The following WDR4 variants were observed in gnomAD, a reference collection of about 807,000 sequenced individuals.
WDR4 encodes WDR4 tRNA N7-guanosine methyltransferase non-catalytic subunit.
In WDR4, 47 loss-of-function variants were observed where a neutral mutation model predicts 48.6. That is an observed-to-expected ratio of 0.97 (90% CI 0.77 to 1.23). WDR4 has a LOEUF of 1.23. Ranked by LOEUF, WDR4 falls within the 50% of genes most tolerant of loss-of-function variation. WDR4 has a pLI of 0.00. For synonymous variants in WDR4, 268 were observed against 230.0 expected, an observed-to-expected ratio of 1.17 and a Z score of -1.49; for missense variants, 606 against 551.6, an observed-to-expected ratio of 1.10 and a Z score of -0.99.
chr21:42,887,675 G>A, the WDR4 span, among the ~76,000 whole-genome samples: 9 of 152,200 alleles, frequency 5.9e-5, no homozygotes, highest in Non-Finnish European at 1.2e-4. Flanking sequence ...TGTGAATGCT[G>A]CCATGTGTGG....
At chr21:42,892,484 A>C in the WDR4 span, among the ~76,000 whole-genome samples, 2 of 85,586 alleles carry the variant, frequency 2.3e-5, no homozygotes, top group African/African-American at 1.8e-4. Flanking sequence ...ACCTCAATGA[A>C]TCGCTAGCTG....
intron 6 of WDR4, 116 bp downstream of exon 6, chr21:42,859,546 A>T: frequency 3.2e-6 from 2 of 632,402 alleles, no homozygotes; most frequent in Non-Finnish European, 5.0e-6. Flanking sequence ...TCTAGTGGAC[A>T]GCCACAGCCA....
In WDR4 at chr21:42,873,536, G is replaced by C; in HGVS notation, c.296+15C>G. On this transcript the variant is annotated intron_variant, in intron 3 of 10. Transcript: ENST00000398208. ...GCATTCGACATCTTAAGAATCCAGC[G>C]TTAGCATCTCATACCTGACACTCAG... The C allele has an allele frequency of 6.2e-7, 1 of 1,613,654 alleles. No individual in the cohort carries two copies. The highest frequency in any genetic ancestry group is 8.5e-7 in the Non-Finnish European group (1 of 1,179,702).
chr21:42,844,261 A>G (rs2057691522), downstream of WDR4, among the ~76,000 whole-genome samples: 1 of 152,192 alleles, frequency 6.6e-6, no homozygotes. Context: ...AATTGCATAA[A>G]AATGACAAAG....
chr21:42,881,263 A>G (rs2058608500), upstream of WDR4, among the ~76,000 whole-genome samples: 2 of 152,226 alleles, frequency 1.3e-5, no homozygotes, highest in African/African-American at 4.8e-5. Flanking sequence ...TCTTAAGGCC[A>G]TATTTTATTA....
chr21:42,860,358 A>G (rs908579657), intron 5 of WDR4, among the ~76,000 whole-genome samples: 1 of 152,232 alleles, frequency 6.6e-6, no homozygotes, highest in Non-Finnish European at 1.5e-5. Flanking sequence ...CCCTCCCATC[A>G]GAACAGCCAT....
chr21:42,880,383 G>C (rs1005546502), upstream of WDR4, among the ~76,000 whole-genome samples: 1 of 152,166 alleles, frequency 6.6e-6, no homozygotes, highest in Non-Finnish European at 1.5e-5. Flanking sequence ...GTCTGTTTTA[G>C]ATTGGCTTGT....
At chr21:42,844,871 G>GCAGGCACA (rs1031828586), downstream of WDR4, among the ~76,000 whole-genome samples, 4 of 152,194 alleles carry the variant, frequency 2.6e-5, no homozygotes, top group African/African-American at 9.6e-5. Context: ...CATGAGGCTG[G>GCAGGCACA]CAGGCACACA....
chr21:42,859,552 A>AGCAAGCCAGGG, intron 6 of WDR4, 110 bp downstream of exon 6: 1 of 625,484 alleles, frequency 1.6e-6, no homozygotes, highest in Admixed American at 2.9e-5. Context: ...GGACAGCCAC[A>AGCAAGCCAGGG]GCCAGCCAGG....
intron 5 of WDR4, among the ~76,000 whole-genome samples, chr21:42,861,765 A>G (rs1402723438): frequency 1.3e-5 from 2 of 152,184 alleles, no homozygotes; most frequent in Non-Finnish European, 2.9e-5. Context: ...AGCCAATTAC[A>G]CTAAGCGTTT....
the WDR4 span, among the ~76,000 whole-genome samples, chr21:42,889,065 A>G: frequency 2.8e-5 from 4 of 144,556 alleles, no homozygotes; most frequent in African/African-American, 5.2e-5. Context: ...CTATATATAT[A>G]TAGATTGAAA....
chr21:42,878,182 C>T (rs1255686039), intron 1 of WDR4, among the ~76,000 whole-genome samples: 1 of 152,164 alleles, frequency 6.6e-6, no homozygotes, highest in African/African-American at 2.4e-5. Context: ...TGACCCCAGG[C>T]ACTTACCAAC....
At chr21:42,870,276 G>A (rs554788953) in intron 3 of WDR4, among the ~76,000 whole-genome samples, 94 of 151,980 alleles carry the variant, frequency 6.2e-4, no homozygotes, top group Non-Finnish European at 1.2e-3. Flanking sequence ...GCTTGAACCC[G>A]GGAGGTGGAG....
Position 42,864,848 on chromosome 21 carries a change from G to A in WDR4, c.297-1252C>T, listed in dbSNP as rs374309892. ...GTTCTATTTTACATAGATATGAGTT[G>A]TAGCACAGCTTCCCACACACGCAGT... On this transcript the variant is annotated intron_variant, in intron 3 of 10. Coordinates refer to ENST00000398208, the MANE Select transcript of WDR4 (RefSeq NM_018669.6). 5.1e-4 allele frequency among the ~76,000 whole-genome samples: 78 copies of A among 152,254 alleles called. No individual in the cohort carries two copies. In the South Asian group the frequency reaches 0.015, roughly 28 times the overall value.
chr21:42,861,291 G>T (rs1361175308), intron 5 of WDR4, among the ~76,000 whole-genome samples: 1 of 137,846 alleles, frequency 7.3e-6, no homozygotes, highest in African/African-American at 2.6e-5. Flanking sequence ...TCCAGCCTGG[G>T]CGACACAGCT....
chr21:42,886,451 G>A, the WDR4 span, among the ~76,000 whole-genome samples: 3 of 152,198 alleles, frequency 2.0e-5, no homozygotes, highest in Non-Finnish European at 4.4e-5. Flanking sequence ...TGTGTTTGTT[G>A]TTGGTGTCTA....
intron 10 of WDR4, among the ~76,000 whole-genome samples, chr21:42,851,820 C>CG (rs1406429502): frequency 6.6e-6 from 1 of 152,188 alleles, no homozygotes; most frequent in African/African-American, 2.4e-5. Context: ...TGAAGACCCC[C>CG]GGGGCCTCTG....
chr21:42,868,141 T>C (rs116119268), intron 3 of WDR4, among the ~76,000 whole-genome samples: 77 of 152,254 alleles, frequency 5.1e-4, no homozygotes, highest in African/African-American at 1.8e-3. Flanking sequence ...CTCTGGGCCA[T>C]GCACGATGCC....
intron 5 of WDR4, among the ~76,000 whole-genome samples, chr21:42,860,067 C>T (rs2058081278): frequency 6.6e-6 from 1 of 152,158 alleles, no homozygotes; most frequent in African/African-American, 2.4e-5. Context: ...TCAGCGGCAC[C>T]TCTACAGGCC....
Sources: allele counts gnomAD v4.1 joint callset (sites outside exome capture counted in the v4.1 genomes callset), GRCh38; gene constraint gnomAD v4.1.1; transcripts MANE v1.5; gene names NCBI Gene and HGNC (gene_info 2026-07-23, HGNC 2026-07-21).